Variants in UHMK1 observed in about 807,000 individuals in gnomAD.
UHMK1 encodes the protein serine/threonine-protein kinase Kist.
UHMK1 carries 18 observed loss-of-function variants against 44.0 expected under a neutral mutation model. The ratio of observed to expected loss-of-function variants is 0.41; its 90% confidence interval spans 0.28 to 0.61. The LOEUF (loss-of-function observed/expected upper bound fraction) is 0.61. UHMK1 is among the 20% of genes least tolerant of loss of function. UHMK1 has a pLI of 0.31. For missense variants in UHMK1, 463 were observed against 522.5 expected (o/e 0.89, Z 1.11); for synonymous variants, 231 against 198.5 (o/e 1.16, Z -1.38).
chr1:162,497,473 G>T (rs548559495), upstream of UHMK1, among the ~76,000 whole-genome samples: 3 of 152,182 alleles, frequency 2.0e-5, no homozygotes, highest in Non-Finnish European at 2.9e-5. Flanking sequence ...ATGGGTTCTG[G>T]TGACCGTGGA....
At chr1:162,517,620 C>T (rs1651877686) in intron 6 of UHMK1, among the ~76,000 whole-genome samples, 1 of 152,148 alleles carries the variant, frequency 6.6e-6, no homozygotes, top group South Asian at 2.1e-4. Flanking sequence ...GGCGCAGTGG[C>T]TCACGCCTGT....
At chr1:162,516,630 C>T (rs969589527) in intron 6 of UHMK1, among the ~76,000 whole-genome samples, 11 of 151,938 alleles carry the variant, frequency 7.2e-5, no homozygotes, top group African/African-American at 2.7e-4. Flanking sequence ...TGACAAAAAT[C>T]ACCCTAAGAA....
At position 162,526,761 on chromosome 1, in the gene UHMK1, A is replaced by G. The variant is rs544223645; in HGVS notation, c.*4211A>G. The G allele has an allele frequency of 6.6e-6, 1 of 152,186 alleles. No individual in the cohort carries two copies. The highest frequency in any genetic ancestry group is 6.5e-5 in the Admixed American group (1 of 15,286). 9.4% of individuals were successfully genotyped at this position (152,186 alleles called of 1,614,324 possible). The stretch of plus-strand genomic sequence containing the variant: ...ACTATTCATATTTGATTTTATTCCA[A>G]TATTATATATGATGGAAAAGCCAGA... On this transcript the variant is annotated 3_prime_UTR_variant, in exon 8 of 8. Coordinates refer to ENST00000489294, the MANE Select transcript of UHMK1 (RefSeq NM_175866.5).
rs1298010872 is a variant in UHMK1, at chr1:162,512,762, A to G, written c.963A>G (p.Pro321=). 6.2e-7 allele frequency: 1 copy of G among 1,614,154 alleles called. No homozygotes were observed. Among genetic ancestry groups the G allele is most frequent in the East Asian group, 2.2e-5 (1 of 44,866 alleles). The change falls in exon 6 of 8, where the codon CCA becomes CCG. Residue 321 remains proline (P), a synonymous_variant. Coordinates refer to ENST00000489294, the MANE Select transcript of UHMK1 (RefSeq NM_175866.5). ...AAGATCTGGTCATGCTTCCCACTCC[A>G]GTGCTAAGACTGCTGAATGTGCTGG... ...HIEDLVMLPT[P]VLRLLNVLDD...
chr1:162,523,896 A>G lies in UHMK1; in HGVS notation c.*1346A>G. 6.6e-6 allele frequency: 1 copy of G among 152,180 alleles called. No homozygotes were observed. Among genetic ancestry groups the G allele is most frequent in the African/African-American group, 2.4e-5 (1 of 41,432 alleles). The allele number at this position is 152,180 out of a possible 1,614,324, so 9.4% of individuals were successfully genotyped here. A position where few individuals can be genotyped will look rare whatever the true frequency, so the allele number is the denominator to read the frequency against. On this transcript the variant is annotated 3_prime_UTR_variant, in exon 8 of 8. Coordinates refer to ENST00000489294, the MANE Select transcript of UHMK1 (RefSeq NM_175866.5). Reference sequence around the variant, plus strand: ...TTCTTAAAAGGATTCATAGCAACATAATGTGTCCCTGAGTAGAGGATGCTG... The same window carrying G: ...TTCTTAAAAGGATTCATAGCAACATGATGTGTCCCTGAGTAGAGGATGCTG...
In UHMK1 at chr1:162,528,003, A is replaced by G. The variant is rs570901768; in HGVS notation, c.*5453A>G. The G allele has an allele frequency of 5.3e-5, 8 of 151,964 alleles. No individual in the cohort carries two copies. In the East Asian group the frequency reaches 9.6e-4, roughly 18 times the overall value. The allele number at this position is 151,964 out of a possible 1,614,324, so 9.4% of individuals were successfully genotyped here. On this transcript the variant is annotated 3_prime_UTR_variant, in exon 8 of 8. Transcript: ENST00000489294. The stretch of plus-strand genomic sequence containing the variant: ...GTTACCATAAGCCCTTACTATCAAC[A>G]AGATAATTATTTGTAATCACTTTTT...
intron 7 of UHMK1, among the ~76,000 whole-genome samples, chr1:162,521,770 A>T (rs555627478): frequency 6.6e-6 from 1 of 152,342 alleles, no homozygotes; most frequent in African/African-American, 2.4e-5. Context: ...CTGGGATTAC[A>T]GGTGTGTGCC....
At position 162,518,100 on chromosome 1, in the gene UHMK1, A is replaced by T; in HGVS notation, c.1025-2A>T. 1 of 1,601,820 alleles carries T rather than the reference A, an allele frequency of 6.2e-7. No individual in the cohort carries two copies. Among genetic ancestry groups the T allele is most frequent in the Non-Finnish European group, 8.6e-7 (1 of 1,169,138 alleles). ...GTTACTGTTATGTGTTTTAATAATC[A>T]GATGTTGTAGAAGATGTAAAAGAGG... On this transcript the variant is annotated splice_acceptor_variant, in intron 6 of 7. Coordinates refer to ENST00000489294, the MANE Select transcript of UHMK1 (RefSeq NM_175866.5). LOFTEE classifies it high-confidence loss of function.
Position 162,501,111 on chromosome 1 carries a change from T to A in UHMK1, c.753+7T>A. 7 of 1,613,394 alleles carry A rather than the reference T, an allele frequency of 4.3e-6. No homozygotes were observed. The South Asian group carries it at 6.6e-5, about 15-fold the overall frequency. The stretch of plus-strand genomic sequence containing the variant: ...CAGATCTCAGGAATGGAAGGTAAAC[T>A]TCACCAGTGCTTTGCTTTGGGGTCC... On this transcript the variant is annotated splice_region_variant and intron_variant, in intron 3 of 7. Coordinates refer to ENST00000489294, the MANE Select transcript of UHMK1 (RefSeq NM_175866.5).
At position 162,500,936 on chromosome 1, in the gene UHMK1, C is replaced by T. The variant is rs140306188; in HGVS notation, c.585C>T (p.Asp195=). 4.4e-5 allele frequency: 71 copies of T among 1,613,708 alleles called. No individual in the cohort carries two copies. The highest frequency in any genetic ancestry group is 1.5e-4 in the African/African-American group (11 of 74,852). The part of the protein sequence containing the change: ...GNQDVKYIQT[D]GYRAPEAELQ... ...AGGATGTAAAGTATATTCAGACAGA[C>T]GGGTATCGGGCTCCAGAAGCAGAAT... The change falls in exon 3 of 8, where the codon GAC becomes GAT. Residue 195 remains aspartate (D), a synonymous_variant. Coordinates refer to ENST00000489294, the MANE Select transcript of UHMK1 (RefSeq NM_175866.5).
rs1158942603 is a variant in UHMK1 at position 162,516,033 on chromosome 1, C to CA, written c.1025-2057dup. On this transcript the variant is annotated intron_variant, in intron 6 of 7. Transcript: ENST00000489294. ...TAGGCAACAGAGCGAGACTCCGTCT[C>CA]AAAAAAAAAAAACAACAAAACTGAA... Among the ~76,000 whole-genome samples, 444 of 124,140 alleles carry CA rather than the reference C, an allele frequency of 3.6e-3. 1 individual carries two copies. Among genetic ancestry groups the CA allele is most frequent in the Admixed American group, 0.018 (215 of 12,138 alleles). 81.4% of individuals were successfully genotyped at this position (124,140 alleles called of 152,430 possible). A position where few individuals can be genotyped will look rare whatever the true frequency, so the allele number is the denominator to read the frequency against.
intron 3 of UHMK1, among the ~76,000 whole-genome samples, chr1:162,501,729 TAATACA>T (rs1651276123): frequency 6.6e-6 from 1 of 152,186 alleles, no homozygotes; most frequent in African/African-American, 2.4e-5. Context: ...AAAGTGTTAC[TAATACA>T]ACCATAGCTT....
At chr1:162,505,325 C>T (rs1183086942) in intron 4 of UHMK1, among the ~76,000 whole-genome samples, 1 of 152,096 alleles carries the variant, frequency 6.6e-6, no homozygotes, top group Non-Finnish European at 1.5e-5. Context: ...TTAACAATGC[C>T]TTCTTTTGGA....
chr1:162,519,016 A>C (rs1651946985), intron 7 of UHMK1, among the ~76,000 whole-genome samples: 1 of 148,764 alleles, frequency 6.7e-6, no homozygotes, highest in South Asian at 2.1e-4. Flanking sequence ...CTTTTGAGCC[A>C]CTGTAAACAG....
intron 5 of UHMK1, 30 bp from the exon 6 acceptor site, chr1:162,512,695 A>C: frequency 6.2e-7 from 1 of 1,612,292 alleles, no homozygotes; most frequent in Non-Finnish European, 8.5e-7. Flanking sequence ...GGGGATTTAC[A>C]TTTAACCATA....
At position 162,525,408 on chromosome 1, in the gene UHMK1, C is replaced by T. The variant is rs1347381364; in HGVS notation, c.*2858C>T. On this transcript the variant is annotated 3_prime_UTR_variant, in exon 8 of 8. Transcript: ENST00000489294. The stretch of plus-strand genomic sequence containing the variant: ...ATTCCCTAAATTAATACCTGTGCTT[C>T]CTTGCCTCTCACCTTCCCAGTTACT... 1 of 152,084 alleles carries T rather than the reference C, an allele frequency of 6.6e-6. No homozygotes were observed. The highest frequency in any genetic ancestry group is 2.4e-5 in the African/African-American group (1 of 41,386). 9.4% of individuals were successfully genotyped at this position (152,084 alleles called of 1,614,324 possible). A position where few individuals can be genotyped will look rare whatever the true frequency, so the allele number is the denominator to read the frequency against.
intron 1 of UHMK1, among the ~76,000 whole-genome samples, chr1:162,498,594 G>C (rs1269911518): frequency 6.6e-6 from 1 of 152,218 alleles, no homozygotes; most frequent in Non-Finnish European, 1.5e-5. Flanking sequence ...GTCGTGTCTT[G>C]TGTGGAAATT....
rs1336386476 is a variant in UHMK1 at position 162,525,284 on chromosome 1, A to G, written c.*2734A>G. The G allele has an allele frequency of 6.6e-6, 1 of 152,174 alleles. No homozygotes were observed. Among genetic ancestry groups the G allele is most frequent in the Non-Finnish European group, 1.5e-5 (1 of 68,038 alleles). The allele number at this position is 152,174 out of a possible 1,614,324, so 9.4% of individuals were successfully genotyped here. A position where few individuals can be genotyped will look rare whatever the true frequency, so the allele number is the denominator to read the frequency against. On this transcript the variant is annotated 3_prime_UTR_variant, in exon 8 of 8. Transcript: ENST00000489294. ...TTTGGTTTATTGAAGTTATTGAAAG[A>G]CCTAGAAATTTTCTTTTTGAGAGAA...
At position 162,522,672 on chromosome 1, in the gene UHMK1, C is replaced by A; in HGVS notation, c.*122C>A. 8.7e-7 allele frequency: 1 copy of A among 1,151,808 alleles called. No individual in the cohort carries two copies. Among genetic ancestry groups the A allele is most frequent in the Non-Finnish European group, 1.2e-6 (1 of 827,252 alleles). 71.3% of individuals were successfully genotyped at this position (1,151,808 alleles called of 1,614,324 possible). A position where few individuals can be genotyped will look rare whatever the true frequency, so the allele number is the denominator to read the frequency against. ...TACTTTATACATTTATTTAATCCTA[C>A]TAATGTGCAGCCATTGCCCAAGCAG... On this transcript the variant is annotated 3_prime_UTR_variant, in exon 8 of 8. Coordinates refer to ENST00000489294, the MANE Select transcript of UHMK1 (RefSeq NM_175866.5).
Sources: allele counts gnomAD v4.1 joint callset (sites outside exome capture counted in the v4.1 genomes callset), GRCh38; gene constraint gnomAD v4.1.1; transcripts MANE v1.5; gene names NCBI Gene and HGNC (gene_info 2026-07-23, HGNC 2026-07-21).